Variants in HIBADH observed in about 807,000 individuals in gnomAD.
HIBADH encodes 3-hydroxyisobutyrate dehydrogenase, mitochondrial.
In HIBADH, 25 loss-of-function variants were observed where a neutral mutation model predicts 36.1. The ratio of observed to expected loss-of-function variants is 0.69; its 90% CI spans 0.50 to 0.97. The LOEUF is 0.97. Ranked by LOEUF, HIBADH falls within the 50% of genes least tolerant of loss-of-function variation. The probability of loss-of-function intolerance (pLI) is 0.00; values close to 1 mark genes in which losing one functional copy is unlikely to be tolerated. For missense variants in HIBADH, 421 were observed against 418.0 expected, an observed-to-expected ratio of 1.01 and a Z score of -0.06; for synonymous variants, 160 against 149.5, an observed-to-expected ratio of 1.07 and a Z score of -0.51.
intron 4 of HIBADH, among the ~76,000 whole-genome samples, chr7:27,543,971 A>G (rs920563223): frequency 2.6e-5 from 4 of 152,194 alleles, no homozygotes; most frequent in Non-Finnish European, 4.4e-5. Context: ...AAATAAAACC[A>G]AGAGCGCTAT....
intron 4 of HIBADH, among the ~76,000 whole-genome samples, chr7:27,626,746 G>A (rs1785655982): frequency 6.6e-6 from 1 of 152,200 alleles, no homozygotes. Context: ...TAGAAGTATA[G>A]TATGTTCCCA....
intron 2 of HIBADH, among the ~76,000 whole-genome samples, chr7:27,645,368 A>ATGGT (rs1554300959): frequency 3.4e-5 from 2 of 59,652 alleles, no homozygotes; most frequent in African/African-American, 1.3e-4. Flanking sequence ...CATGGTTTTG[A>ATGGT]TTTTTTTTTT....
chr7:27,622,585 A>T (rs896740494), intron 4 of HIBADH, among the ~76,000 whole-genome samples: 2 of 152,168 alleles, frequency 1.3e-5, no homozygotes, highest in African/African-American at 2.4e-5. Flanking sequence ...AAATCAAATG[A>T]AAAATGACAC....
chr7:27,618,394 G>T (rs1785471912), intron 4 of HIBADH, among the ~76,000 whole-genome samples: 1 of 152,194 alleles, frequency 6.6e-6, no homozygotes, highest in Admixed American at 6.5e-5. Flanking sequence ...GGCTGTTGGG[G>T]GTGACCCTGT....
chr7:27,560,417 C>T (rs990358266), intron 4 of HIBADH, among the ~76,000 whole-genome samples: 1 of 152,104 alleles, frequency 6.6e-6, no homozygotes, highest in Admixed American at 6.6e-5. Context: ...CTGCACTCAG[C>T]CTTTTATTCA....
At chr7:27,568,367 T>C (rs1031327772) in intron 4 of HIBADH, among the ~76,000 whole-genome samples, 1 of 152,170 alleles carries the variant, frequency 6.6e-6, no homozygotes, top group Admixed American at 6.5e-5. Flanking sequence ...TTGGCCTACA[T>C]GTTTTTTTCT....
At chr7:27,604,286 A>G (rs901962646) in intron 4 of HIBADH, among the ~76,000 whole-genome samples, 10 of 152,142 alleles carry the variant, frequency 6.6e-5, no homozygotes, top group Admixed American at 4.6e-4. Context: ...GTAGGCAACT[A>G]TATGTATGCA....
At chr7:27,534,821 A>G (rs992557931) in intron 6 of HIBADH, among the ~76,000 whole-genome samples, 15 of 151,816 alleles carry the variant, frequency 9.9e-5, no homozygotes, top group Admixed American at 8.5e-4. Context: ...TCATTACCAC[A>G]TATCGACACC....
Position 27,623,652 on chromosome 7 carries a change from T to C in HIBADH, c.484+5719A>G, listed in dbSNP as rs191962554. On this transcript the variant is annotated intron_variant, in intron 4 of 7. Transcript: ENST00000265395. Reference sequence around the variant, plus strand: ...ATCAAGAAAGCAATCCCACTTATAATTGCTATGAAAAATAAAAGTATCTAA... The same window carrying C: ...ATCAAGAAAGCAATCCCACTTATAACTGCTATGAAAAATAAAAGTATCTAA... 1.6e-4 allele frequency among the ~76,000 whole-genome samples: 25 copies of C among 152,200 alleles called. No individual in the cohort carries two copies. The East Asian group carries it at 3.9e-3, about 23-fold the overall frequency.
At chr7:27,564,963 C>A (rs144966431) in intron 4 of HIBADH, among the ~76,000 whole-genome samples, 2 of 152,194 alleles carry the variant, frequency 1.3e-5, no homozygotes, top group Non-Finnish European at 2.9e-5. Context: ...AAATCTGGGC[C>A]CTTGCTGATC....
intron 6 of HIBADH, among the ~76,000 whole-genome samples, chr7:27,536,430 A>C (rs1033282864): frequency 6.6e-5 from 10 of 152,140 alleles, no homozygotes; most frequent in Admixed American, 6.6e-4. Context: ...GTAGAGTTTT[A>C]GAAAAATGAA....
At chr7:27,630,791 A>C (rs2128294468) in intron 3 of HIBADH, among the ~76,000 whole-genome samples, 1 of 152,316 alleles carries the variant, frequency 6.6e-6, no homozygotes, top group East Asian at 1.9e-4. Flanking sequence ...ACAATTTTAG[A>C]CATATGAATT....
chr7:27,529,727 G>A (rs575332935), intron 7 of HIBADH, among the ~76,000 whole-genome samples: 1 of 152,364 alleles, frequency 6.6e-6, no homozygotes, highest in African/African-American at 2.4e-5. Flanking sequence ...ATCAGGGTTT[G>A]AGAGGATTGC....
At chr7:27,529,109 G>A (rs1783955406) in intron 7 of HIBADH, among the ~76,000 whole-genome samples, 1 of 152,146 alleles carries the variant, frequency 6.6e-6, no homozygotes, top group South Asian at 2.1e-4. Flanking sequence ...GAGACCTACT[G>A]GTCAGAAGAA....
chr7:27,606,523 G>A (rs1441599665), intron 4 of HIBADH, among the ~76,000 whole-genome samples: 2 of 152,238 alleles, frequency 1.3e-5, no homozygotes, highest in Non-Finnish European at 2.9e-5. Context: ...CTCCAGACTA[G>A]GCGCCAGCTG....
intron 2 of HIBADH, among the ~76,000 whole-genome samples, chr7:27,643,558 C>T (rs1785999823): frequency 6.6e-6 from 1 of 152,156 alleles, no homozygotes; most frequent in Non-Finnish European, 1.5e-5. Context: ...AAAAACTTGC[C>T]CAAGATTGCA....
chr7:27,591,294 G>A (rs1240408406), intron 4 of HIBADH, among the ~76,000 whole-genome samples: 1 of 152,210 alleles, frequency 6.6e-6, no homozygotes, highest in Non-Finnish European at 1.5e-5. Flanking sequence ...GCTCACGCCT[G>A]TAATCCCAGC....
At position 27,639,506 on chromosome 7, in the gene HIBADH, G is replaced by A. The variant is rs534108842; in HGVS notation, c.253-7061C>T. 9.2e-5 allele frequency among the ~76,000 whole-genome samples: 14 copies of A among 152,162 alleles called. No individual in the cohort carries two copies. The East Asian group carries it at 1.4e-3, about 15-fold the overall frequency. ...GCCAGGTACCGTGCTTATTACCTGG[G>A]TGGCAAAATAATCTGTACACCAAAC... On this transcript the variant is annotated intron_variant, in intron 2 of 7. Transcript: ENST00000265395.
chr7:27,626,027 T>C (rs564723151), intron 4 of HIBADH, among the ~76,000 whole-genome samples: 1 of 135,498 alleles, frequency 7.4e-6, no homozygotes, highest in Non-Finnish European at 1.5e-5. Flanking sequence ...TGCTTGACCC[T>C]GGGAGGCAGA....
Sources: allele counts gnomAD v4.1 joint callset (sites outside exome capture counted in the v4.1 genomes callset), GRCh38; gene constraint gnomAD v4.1.1; transcripts MANE v1.5; gene names NCBI Gene and HGNC (gene_info 2026-07-23, HGNC 2026-07-21).